The following PHACTR1 variants were observed in gnomAD, a reference collection of about 807,000 sequenced individuals.
PHACTR1 encodes the protein phosphatase and actin regulator 1.
PHACTR1 carries 16 observed loss-of-function variants against 69.2 expected under a neutral mutation model. The ratio of observed to expected loss-of-function variants is 0.23; its 90% CI spans 0.16 to 0.35. The LOEUF (loss-of-function observed/expected upper bound fraction) is 0.35. PHACTR1 is among the 10% of genes least tolerant of loss of function. PHACTR1 has a pLI of 1.00. For synonymous variants in PHACTR1, 312 were observed against 284.5 expected, an observed-to-expected ratio of 1.10 and a Z score of -0.97; for missense variants, 510 against 734.7, an observed-to-expected ratio of 0.69 and a Z score of 3.54.
chr6:13,053,269 T>C, intron 4 of PHACTR1, 96 bp from the exon 5 acceptor site: 1 of 1,273,080 alleles, frequency 7.9e-7, no homozygotes, highest in Non-Finnish European at 1.1e-6. Flanking sequence ...TGGTTTCTGT[T>C]ATCTGTAACC....
chr6:12,810,426 A>G (rs1774891745), intron 4 of PHACTR1, among the ~76,000 whole-genome samples: 1 of 152,144 alleles, frequency 6.6e-6, no homozygotes, highest in Admixed American at 6.5e-5. Flanking sequence ...CTCTCTTTGA[A>G]TTGTATATAA....
chr6:12,945,281 C>G (rs755101841), intron 4 of PHACTR1, among the ~76,000 whole-genome samples: 24 of 152,188 alleles, frequency 1.6e-4, no homozygotes, highest in Non-Finnish European at 2.8e-4. Flanking sequence ...TTCTGCTATG[C>G]GCTGCCACAA....
At position 13,179,918 on chromosome 6, in the gene PHACTR1, C is replaced by T. The variant is rs967638533; in HGVS notation, c.497-2601C>T. Among the ~76,000 whole-genome samples the T allele has an allele frequency of 6.6e-6, 1 of 152,142 alleles. No homozygotes were observed. Among genetic ancestry groups the T allele is most frequent in the Non-Finnish European group, 1.5e-5 (1 of 68,028 alleles). ...TTGGAATATTAATACATGAAAATTT[C>T]ATTTACTGGAATTTATCCTAAAGGG... On this transcript the variant is annotated intron_variant, in intron 6 of 14. Transcript: ENST00000332995. The surrounding 1 kb of genome is among the most constrained non-coding windows in gnomAD (Gnocchi z 4.2).
intron 4 of PHACTR1, among the ~76,000 whole-genome samples, chr6:12,910,317 C>T (rs1277940978): frequency 9.9e-5 from 15 of 152,170 alleles, no homozygotes; most frequent in Non-Finnish European, 1.5e-5. Context: ...ATTTGTCTCC[C>T]ACTTGCCAGT....
chr6:13,202,452 A>G (rs1004805927), intron 7 of PHACTR1, among the ~76,000 whole-genome samples: 2 of 150,978 alleles, frequency 1.3e-5, no homozygotes, highest in Non-Finnish European at 2.9e-5. Flanking sequence ...ACCTCAGGAC[A>G]TACTGCATTT....
intron 4 of PHACTR1, among the ~76,000 whole-genome samples, chr6:12,797,440 A>G (rs951536519): frequency 5.3e-5 from 8 of 152,160 alleles, no homozygotes; most frequent in Admixed American, 1.3e-4. Flanking sequence ...CCTATGGGAC[A>G]TGCAAGTGGA....
chr6:12,845,858 A>G (rs191667855), intron 4 of PHACTR1, among the ~76,000 whole-genome samples: 16 of 152,324 alleles, frequency 1.1e-4, no homozygotes, highest in African/African-American at 3.8e-4. Flanking sequence ...TGTTTAAAAT[A>G]GCTCCCTTAT....
chr6:12,964,827 T>G (rs891967013), intron 4 of PHACTR1, among the ~76,000 whole-genome samples: 3 of 152,246 alleles, frequency 2.0e-5, no homozygotes, highest in African/African-American at 7.2e-5. Context: ...TCCTTTAATC[T>G]GCACAGCAAG....
At chr6:13,056,573 T>C (rs544305754) in intron 5 of PHACTR1, among the ~76,000 whole-genome samples, 53 of 152,334 alleles carry the variant, frequency 3.5e-4, no homozygotes, top group South Asian at 2.7e-3. Flanking sequence ...TTGACACTTG[T>C]TGAAGATAAG....
rs1584432017 is a variant in PHACTR1, at chr6:13,280,798, CTT to C, written c.1509+2471_1509+2472del. ...CTTTGGGAGGCCGAGGCGGGCCTGACTTTGGCTGCAAAGATTATTTTTGCAGC... is the reference window on the plus strand; with the variant it reads ...CTTTGGGAGGCCGAGGCGGGCCTGACTGGCTGCAAAGATTATTTTTGCAGC... On this transcript the variant is annotated intron_variant, in intron 12 of 14. Transcript: ENST00000332995. 1.5e-5 allele frequency: 7 copies of C among 461,860 alleles called. No individual in the cohort carries two copies. In the East Asian group the frequency reaches 4.4e-4, roughly 29 times the overall value. 28.6% of individuals were successfully genotyped at this position (461,860 alleles called of 1,614,324 possible). A position where few individuals can be genotyped will look rare whatever the true frequency, so the allele number is the denominator to read the frequency against.
chr6:13,217,311 G>A (rs1767835195), intron 8 of PHACTR1, among the ~76,000 whole-genome samples: 1 of 152,166 alleles, frequency 6.6e-6, no homozygotes, highest in Non-Finnish European at 1.5e-5. Flanking sequence ...GACAAGGTTA[G>A]CAATGGCCCA....
intron 4 of PHACTR1, among the ~76,000 whole-genome samples, chr6:12,784,510 ATC>A (rs1771269373): frequency 6.6e-6 from 1 of 151,866 alleles, no homozygotes; most frequent in African/African-American, 2.4e-5. Flanking sequence ...ATACATATGT[ATC>A]TAGACACACA....
chr6:12,745,501 T>G (rs1216620086), intron 3 of PHACTR1, among the ~76,000 whole-genome samples: 1 of 152,018 alleles, frequency 6.6e-6, no homozygotes, highest in Non-Finnish European at 1.5e-5. Context: ...GATGCCTACA[T>G]CCACATATTC....
At position 12,926,431 on chromosome 6, in the gene PHACTR1, A is replaced by T. The variant is rs192718644; in HGVS notation, c.251-126934A>T. On this transcript the variant is annotated intron_variant, in intron 4 of 14. Coordinates refer to ENST00000332995, the MANE Select transcript of PHACTR1 (RefSeq NM_030948.6). Reference sequence around the variant, plus strand: ...CTGTTAACCAATGACTTCCAAATCTATAACTTGATTCCTCACATGAATTCT... The same window carrying T: ...CTGTTAACCAATGACTTCCAAATCTTTAACTTGATTCCTCACATGAATTCT... Among the ~76,000 whole-genome samples the T allele has an allele frequency of 4.6e-5, 7 of 152,330 alleles. 1 individual carries two copies. In the South Asian group the frequency reaches 6.2e-4, roughly 14 times the overall value.
chr6:12,834,296 G>T (rs1271932467), intron 4 of PHACTR1, among the ~76,000 whole-genome samples: 3 of 152,064 alleles, frequency 2.0e-5, no homozygotes, highest in African/African-American at 7.2e-5. Flanking sequence ...ATTGTATTTT[G>T]TCAACCCTGG....
chr6:13,161,269 C>T (rs1055617096), intron 6 of PHACTR1, among the ~76,000 whole-genome samples: 10 of 152,208 alleles, frequency 6.6e-5, no homozygotes, highest in African/African-American at 2.4e-4. Flanking sequence ...TGAGCCACCG[C>T]GCCCGGCCTT....
intron 4 of PHACTR1, among the ~76,000 whole-genome samples, chr6:12,830,663 C>T (rs953008472): frequency 2.0e-5 from 3 of 151,994 alleles, no homozygotes; most frequent in Non-Finnish European, 2.9e-5. Flanking sequence ...GATCTCGGCT[C>T]ACTGCAACCT....
At chr6:13,207,074 TGCA>T (rs573674011) in intron 8 of PHACTR1, among the ~76,000 whole-genome samples, 17 of 152,294 alleles carry the variant, frequency 1.1e-4, no homozygotes, top group Admixed American at 1.1e-3. Context: ...CATGCACACA[TGCA>T]CACGCACATG....
chr6:13,200,697 G>A (rs1275636880), intron 7 of PHACTR1, among the ~76,000 whole-genome samples: 1 of 151,548 alleles, frequency 6.6e-6, no homozygotes, highest in Admixed American at 6.5e-5. Context: ...ACTTTGGGAG[G>A]CCGGGGTGGG....
Sources: gnomAD v4.1 joint callset for allele counts (sites outside exome capture counted in the v4.1 genomes callset) on GRCh38, gnomAD v4.1.1 for gene constraint, Gnocchi (gnomAD v3.1) non-coding constraint, MANE v1.5 for transcripts, NCBI Gene and HGNC (gene_info 2026-07-23, HGNC 2026-07-21) for gene names.